WWTR1: variants seen among roughly 807,000 people sequenced by gnomAD.
WWTR1 encodes WW domain-containing transcription regulator protein 1.
WWTR1 carries 13 observed loss-of-function variants against 40.1 expected under a neutral mutation model. The observed-to-expected ratio is 0.32, with a 90% CI of 0.21 to 0.52. The LOEUF (loss-of-function observed/expected upper bound fraction) is 0.52. Ranked by LOEUF, WWTR1 falls within the 20% of genes least tolerant of loss-of-function variation. The pLI, the probability that WWTR1 is intolerant of heterozygous loss-of-function variation, is 0.97. For missense variants in WWTR1, 436 were observed against 523.1 expected (o/e 0.83, Z 1.63); for synonymous variants, 230 against 210.1 (o/e 1.09, Z -0.82).
intron 4 of WWTR1, among the ~76,000 whole-genome samples, chr3:149,720,386 T>A (rs1422733483): frequency 5.3e-5 from 8 of 152,200 alleles, no homozygotes; most frequent in Non-Finnish European, 1.0e-4. Flanking sequence ...GTCCTTTTCT[T>A]ATTGAATAAT....
At chr3:149,608,317 G>GCA (rs145810531) in intron 2 of WWTR1, among the ~76,000 whole-genome samples, 3,653 of 151,662 alleles carry the variant, frequency 0.024, 124 homozygotes, top group African/African-American at 0.079. Flanking sequence ...ACACAAATGT[G>GCA]CACACACACA....
intron 2 of WWTR1, among the ~76,000 whole-genome samples, chr3:149,640,009 A>G (rs1192441306): frequency 1.4e-5 from 2 of 144,768 alleles, no homozygotes; most frequent in African/African-American, 5.7e-5. Flanking sequence ...AAAAAAAAAA[A>G]AAAAGAAAGA....
upstream of WWTR1, among the ~76,000 whole-genome samples, chr3:149,703,578 T>G (rs1489758997): frequency 1.3e-5 from 2 of 152,184 alleles, no homozygotes; most frequent in African/African-American, 4.8e-5. Flanking sequence ...ACCCTCATTT[T>G]GGTTTGGATG....
chr3:149,706,004 C>G (rs896922852), upstream of WWTR1, among the ~76,000 whole-genome samples: 1 of 151,980 alleles, frequency 6.6e-6, no homozygotes, highest in Non-Finnish European at 1.5e-5. Context: ...CCAGCCTGGG[C>G]AATATTTGAA....
rs150517650 is a variant in WWTR1 at position 149,619,218 on chromosome 3, G to C, written c.431+37658C>G. ...ACACTCCTGAAGGCAATCCTATGAG[G>C]AGCCCCCTGAAACTTCTTGAAGAAG... On this transcript the variant is annotated intron_variant, in intron 2 of 6. Coordinates refer to ENST00000360632, the MANE Select transcript of WWTR1 (RefSeq NM_015472.6). Among the ~76,000 whole-genome samples the C allele has an allele frequency of 2.0e-5, 3 of 152,160 alleles. No homozygotes were observed. In the East Asian group the frequency reaches 5.8e-4, roughly 29 times the overall value.
intron 2 of WWTR1, among the ~76,000 whole-genome samples, chr3:149,644,264 A>T (rs779776177): frequency 7.2e-5 from 11 of 152,200 alleles, no homozygotes; most frequent in Non-Finnish European, 1.5e-4. Context: ...CCCTTCAGTG[A>T]TTAAAATGAT....
At chr3:149,597,027 C>T (rs968865808) in intron 2 of WWTR1, among the ~76,000 whole-genome samples, 1 of 152,132 alleles carries the variant, frequency 6.6e-6, no homozygotes, top group African/African-American at 2.4e-5. Context: ...CAATGATCTA[C>T]TCCATAAAGT....
intron 2 of WWTR1, among the ~76,000 whole-genome samples, chr3:149,633,406 T>C (rs1272517058): frequency 6.6e-6 from 1 of 152,098 alleles, no homozygotes; most frequent in Non-Finnish European, 1.5e-5. Context: ...AAAATATATA[T>C]GCAAGTGTAA....
At chr3:149,705,328 T>C (rs1156291434), upstream of WWTR1, among the ~76,000 whole-genome samples, 2 of 152,082 alleles carry the variant, frequency 1.3e-5, no homozygotes, top group African/African-American at 2.4e-5. Context: ...TGGATGAAAA[T>C]AGACCATTGT....
intron 2 of WWTR1, among the ~76,000 whole-genome samples, chr3:149,612,463 A>G (rs1424641606): frequency 2.6e-5 from 4 of 152,070 alleles, no homozygotes; most frequent in South Asian, 4.2e-4. Context: ...CCCTTAAGAG[A>G]AAGGTATCAT....
rs545748297 is a variant in WWTR1, at chr3:149,567,675, C to T, written c.568+5189G>A. On this transcript the variant is annotated intron_variant, in intron 3 of 6. Coordinates refer to ENST00000360632, the MANE Select transcript of WWTR1 (RefSeq NM_015472.6). ...GCTAACAATAATAGCTATAACAATA[C>T]AAGTGCTGGCAGCTTACTATACATC... 9.2e-5 allele frequency among the ~76,000 whole-genome samples: 14 copies of T among 152,322 alleles called. No individual in the cohort carries two copies. The South Asian group carries it at 2.5e-3, about 27-fold the overall frequency.
chr3:149,549,137 G>A (rs1444556656), intron 3 of WWTR1, among the ~76,000 whole-genome samples: 1 of 152,196 alleles, frequency 6.6e-6, no homozygotes, highest in African/African-American at 2.4e-5. Context: ...CATGCTCAAA[G>A]GCCGGGGGGA....
chr3:149,717,355 C>T (rs1715638327), intron 5 of WWTR1: 1 of 152,122 alleles, frequency 6.6e-6, no homozygotes, highest in South Asian at 2.1e-4. Context: ...AGATTATGAA[C>T]TAATGGTCTA....
chr3:149,714,262 G>A lies in WWTR1; in HGVS notation n.584+3180C>T, dbSNP rs541230130. On this transcript the variant is annotated intron_variant and non_coding_transcript_variant, in intron 5 of 6. Coordinates refer to the WWTR1 transcript ENST00000474080. ...GGACCCCTGCCTCCCTGTGCTTAGG[G>A]GCTGGGAGCAGGCAGGAGCCCCGCC... Among the ~76,000 whole-genome samples the A allele has an allele frequency of 1.6e-4, 25 of 152,268 alleles. No homozygotes were observed. The South Asian group carries it at 5.0e-3, about 30-fold the overall frequency.
chr3:149,670,593 G>C, intron 1 of WWTR1, among the ~76,000 whole-genome samples: 1 of 146,122 alleles, frequency 6.8e-6, no homozygotes, highest in Non-Finnish European at 1.5e-5. Context: ...GCAGTGAGCC[G>C]AGATCATGCC....
chr3:149,687,491 C>T (rs956970126), intron 1 of WWTR1, among the ~76,000 whole-genome samples: 2 of 152,202 alleles, frequency 1.3e-5, no homozygotes, highest in African/African-American at 4.8e-5. Context: ...CAGACTTTTA[C>T]AACCAATTAC....
At chr3:149,527,404 C>T (rs1735371061) in intron 5 of WWTR1, among the ~76,000 whole-genome samples, 1 of 152,114 alleles carries the variant, frequency 6.6e-6, no homozygotes, top group South Asian at 2.1e-4. Context: ...ACCTCGGCCT[C>T]CCAAAGTGCT....
chr3:149,558,781 A>G (rs192353850), intron 3 of WWTR1, among the ~76,000 whole-genome samples: 1 of 152,354 alleles, frequency 6.6e-6, no homozygotes, highest in Non-Finnish European at 1.5e-5. Context: ...CAAGGTCCAG[A>G]ACACAAGGAC....
At chr3:149,680,391 A>G (rs1043967398) in intron 1 of WWTR1, among the ~76,000 whole-genome samples, 1 of 152,172 alleles carries the variant, frequency 6.6e-6, no homozygotes, top group African/African-American at 2.4e-5. Flanking sequence ...TCAAAATACA[A>G]AAATTAGCCC....
Sources: allele counts gnomAD v4.1 joint callset (sites outside exome capture counted in the v4.1 genomes callset), GRCh38; gene constraint gnomAD v4.1.1; transcripts MANE v1.5; gene names NCBI Gene and HGNC (gene_info 2026-07-23, HGNC 2026-07-21).